The following PCDH15 variants were observed in gnomAD, a reference collection of about 807,000 sequenced individuals.
PCDH15 encodes protocadherin-15.
In PCDH15, 129 loss-of-function variants were observed where a neutral mutation model predicts 178.5. The ratio of observed to expected loss-of-function variants is 0.72; its 90% CI spans 0.63 to 0.84. The LOEUF is 0.84. Ranked by LOEUF, PCDH15 falls within the 40% of genes least tolerant of loss-of-function variation. The probability of loss-of-function intolerance (pLI) is 0.00; values close to 1 mark genes in which losing one functional copy is unlikely to be tolerated. For missense variants in PCDH15, 2,230 were observed against 2,099.9 expected (o/e 1.06, Z -1.21); for synonymous variants, 800 against 732.0 (o/e 1.09, Z -1.50).
chr10:55,225,635 T>TTGTG (rs72147832), intron 1 of PCDH15, among the ~76,000 whole-genome samples: 1 of 140,946 alleles, frequency 7.1e-6, no homozygotes, highest in African/African-American at 2.6e-5. Context: ...GTGTGTGTGT[T>TTGTG]TGTGTGTGTG....
At chr10:55,029,871 A>C (rs1273174114) in intron 2 of PCDH15, among the ~76,000 whole-genome samples, 1 of 152,104 alleles carries the variant, frequency 6.6e-6, no homozygotes, top group African/African-American at 2.4e-5. Context: ...AAAGAACTTG[A>C]CTCTGAGAAA....
At chr10:54,238,469 T>C (rs2134409086) in intron 8 of PCDH15, among the ~76,000 whole-genome samples, 1 of 152,216 alleles carries the variant, frequency 6.6e-6, no homozygotes, top group Non-Finnish European at 1.5e-5. Context: ...CTAAGTAGTC[T>C]AAATGTTATC....
chr10:54,704,415 G>C (rs772318047), intron 1 of PCDH15, among the ~76,000 whole-genome samples: 11 of 152,062 alleles, frequency 7.2e-5, no homozygotes, highest in Non-Finnish European at 1.5e-4. Flanking sequence ...TTGTGCCTCT[G>C]ACAAAGGTCT....
At chr10:54,072,573 G>A (rs1338599820) in intron 17 of PCDH15, among the ~76,000 whole-genome samples, 1 of 152,142 alleles carries the variant, frequency 6.6e-6, no homozygotes, top group African/African-American at 2.4e-5. Flanking sequence ...GGAGGCAGAG[G>A]TCCTCCTCCT....
chr10:54,392,238 G>C (rs1329400570), intron 3 of PCDH15, among the ~76,000 whole-genome samples: 1 of 151,804 alleles, frequency 6.6e-6, no homozygotes, highest in Non-Finnish European at 1.5e-5. Flanking sequence ...GCTGAGGCAG[G>C]TGGATCTCCT....
chr10:54,763,850 C>G (rs1345692574), intron 1 of PCDH15, among the ~76,000 whole-genome samples: 2 of 149,680 alleles, frequency 1.3e-5, no homozygotes, highest in Non-Finnish European at 3.0e-5. Context: ...ACAAATAGAA[C>G]AAGAAAAAAT....
intron 2 of PCDH15, among the ~76,000 whole-genome samples, chr10:54,639,033 C>T (rs11004424): frequency 6.6e-6 from 1 of 152,004 alleles, no homozygotes. Context: ...CAATATCCTA[C>T]CTTAACAAGC....
At chr10:54,819,691 T>C (rs1953005626) in intron 3 of PCDH15, among the ~76,000 whole-genome samples, 2 of 152,022 alleles carry the variant, frequency 1.3e-5, no homozygotes, top group South Asian at 4.1e-4. Context: ...TCTCAGCCTA[T>C]ACATTATTAA....
At chr10:55,536,338 G>T (rs934391022) in intron 2 of PCDH15, among the ~76,000 whole-genome samples, 2 of 151,892 alleles carry the variant, frequency 1.3e-5, no homozygotes, top group Non-Finnish European at 2.9e-5. Flanking sequence ...TCCAAAATTT[G>T]TCAGTTCCCA....
intron 1 of PCDH15, among the ~76,000 whole-genome samples, chr10:54,728,266 G>A (rs1942853748): frequency 6.6e-6 from 1 of 151,400 alleles, no homozygotes; most frequent in Admixed American, 6.6e-5. Flanking sequence ...GGGATGCAAG[G>A]TTAGTTCCAC....
chr10:54,015,107 TG>T (rs1177444373), intron 20 of PCDH15, among the ~76,000 whole-genome samples: 1 of 152,128 alleles, frequency 6.6e-6, no homozygotes, highest in Non-Finnish European at 1.5e-5. Context: ...AGCATTCCTA[TG>T]TACCAACAAC....
chr10:54,786,005 T>C (rs1950838782), intron 1 of PCDH15, among the ~76,000 whole-genome samples: 2 of 152,000 alleles, frequency 1.3e-5, no homozygotes, highest in South Asian at 2.1e-4. Flanking sequence ...CATTTTTTCA[T>C]TCAATAAATG....
intron 2 of PCDH15, among the ~76,000 whole-genome samples, chr10:54,624,861 A>G (rs2093496145): frequency 6.6e-6 from 1 of 152,154 alleles, no homozygotes; most frequent in South Asian, 2.1e-4. Flanking sequence ...TGTTCCCATC[A>G]CCCAGGTGGG....
intron 15 of PCDH15, among the ~76,000 whole-genome samples, chr10:54,091,865 T>C (rs1332214169): frequency 6.6e-6 from 1 of 152,132 alleles, no homozygotes; most frequent in Non-Finnish European, 1.5e-5. Flanking sequence ...ACTTATTTAG[T>C]CAACTCATTC....
At chr10:55,089,815 T>C (rs1305295198) in intron 2 of PCDH15, among the ~76,000 whole-genome samples, 1 of 152,122 alleles carries the variant, frequency 6.6e-6, no homozygotes, top group East Asian at 1.9e-4. Flanking sequence ...CCCCATGCCT[T>C]TCCTAGAGGC....
At chr10:55,121,448 T>C (rs1163912219) in intron 2 of PCDH15, among the ~76,000 whole-genome samples, 1 of 152,046 alleles carries the variant, frequency 6.6e-6, no homozygotes, top group Non-Finnish European at 1.5e-5. Flanking sequence ...ACTTTGAAGT[T>C]GATGCCAGAA....
At chr10:55,329,816 T>A (rs924236684) in intron 2 of PCDH15, among the ~76,000 whole-genome samples, 12 of 151,736 alleles carry the variant, frequency 7.9e-5, no homozygotes, top group Non-Finnish European at 1.3e-4. Flanking sequence ...TGAGTCCACC[T>A]AAGGATTGGG....
At position 53,840,367 on chromosome 10, in the gene PCDH15, T is replaced by C. The variant is rs398124433; in HGVS notation, c.3936A>G (p.Ala1312=). Residue 1312 remains alanine, a synonymous_variant, in exon 29 of 38, where the codon GCA becomes GCG. Coordinates refer to ENST00000644397, the MANE Select transcript of PCDH15 (RefSeq NM_001384140.1). ...TGGCTCTGTTGGTTTGGGGGTCAAT[T>C]GCATAGACAGTCAAGTCACATTTGG... The part of the protein sequence containing the change: ...DYTKCDLTVY[A]IDPQTNRAID... 7.7e-5 allele frequency: 125 copies of C among 1,614,028 alleles called. No homozygotes were observed. The highest frequency in any genetic ancestry group is 1.1e-4 in the African/African-American group (8 of 74,908).
At chr10:54,345,601 T>C (rs1943108170) in intron 6 of PCDH15, among the ~76,000 whole-genome samples, 1 of 151,740 alleles carries the variant, frequency 6.6e-6, no homozygotes, top group African/African-American at 2.4e-5. Flanking sequence ...AAATGATTCA[T>C]GGCCTTAAAA....
Sources: gnomAD v4.1 joint callset for allele counts (sites outside exome capture counted in the v4.1 genomes callset) on GRCh38, gnomAD v4.1.1 for gene constraint, MANE v1.5 for transcripts, NCBI Gene and HGNC (gene_info 2026-07-23, HGNC 2026-07-21) for gene names.